Variants in C4orf51 observed in about 807,000 individuals in gnomAD.
The protein encoded by C4orf51 is chromosome 4 open reading frame 51, also known as uncharacterized protein C4orf51.
Under a neutral mutation model 25.2 loss-of-function variants are expected in C4orf51, and 25 were observed. That is an observed-to-expected ratio of 0.99 (90% CI 0.72 to 1.39). C4orf51 has a LOEUF of 1.39. Ranked by LOEUF, C4orf51 falls within the 40% of genes most tolerant of loss-of-function variation. The pLI is 0.00. For synonymous variants in C4orf51, 100 were observed against 84.5 expected (o/e 1.18, Z -1.01); for missense variants, 252 against 239.6 (o/e 1.05, Z -0.34).
chr4:145,692,953 G>GTTTTTTTT (rs202227019), intron 1 of C4orf51, among the ~76,000 whole-genome samples: 1,487 of 100,720 alleles, frequency 0.015, 188 homozygotes, highest in Non-Finnish European at 0.021. Context: ...TAAGTTTTTA[G>GTTTTTTTT]TTTTTTTTTT....
At chr4:145,690,462 C>T (rs1360505580) in intron 1 of C4orf51, among the ~76,000 whole-genome samples, 1 of 152,034 alleles carries the variant, frequency 6.6e-6, no homozygotes, top group Non-Finnish European at 1.5e-5. Flanking sequence ...CGAGATGGCG[C>T]CACTGCACTC....
chr4:145,704,820 A>G (rs1055450892), intron 2 of C4orf51, among the ~76,000 whole-genome samples: 1 of 152,230 alleles, frequency 6.6e-6, no homozygotes, highest in African/African-American at 2.4e-5. Flanking sequence ...CAAGTTTCAG[A>G]GCAGGAGTGA....
chr4:145,788,422 A>T, the C4orf51 span, among the ~76,000 whole-genome samples: 1 of 152,148 alleles, frequency 6.6e-6, no homozygotes, highest in African/African-American at 2.4e-5. Context: ...GCCAGAATCC[A>T]GGCCAATTGA....
intron 1 of C4orf51, among the ~76,000 whole-genome samples, chr4:145,693,085 T>G (rs896807871): frequency 9.0e-4 from 130 of 144,462 alleles, no homozygotes; most frequent in African/African-American, 3.2e-3. Context: ...CACAGAGGGG[T>G]ATTTGGCAGG....
rs889904770 is a variant in C4orf51 at position 145,761,846 on chromosome 4, C to T, written n.167-9142C>T. Among the ~76,000 whole-genome samples, 20 of 152,284 alleles carry T rather than the reference C, an allele frequency of 1.3e-4. No homozygotes were observed. Among genetic ancestry groups the T allele is most frequent in the African/African-American group, 4.1e-4 (17 of 41,558 alleles). Reference sequence around the variant, plus strand: ...CTCAGCCTATTCTGGGTCTCTTGGCCGATACAGGCAAGGCCAGCCCTCACC... The same window carrying T: ...CTCAGCCTATTCTGGGTCTCTTGGCTGATACAGGCAAGGCCAGCCCTCACC... On this transcript the variant is annotated intron_variant and non_coding_transcript_variant, in intron 1 of 1. Transcript: ENST00000510096. This position sits in a 1 kb window ranked among gnomAD's most constrained non-coding sequence, Gnocchi z 6.8.
At chr4:145,766,957 A>T (rs1310715173) in intron 1 of C4orf51, among the ~76,000 whole-genome samples, 1 of 152,206 alleles carries the variant, frequency 6.6e-6, no homozygotes, top group Non-Finnish European at 1.5e-5. Flanking sequence ...AGCTATCTGC[A>T]TCCTAAAACA....
downstream of C4orf51, chr4:145,775,878 G>A (rs1215400834): frequency 3.7e-6 from 6 of 1,614,046 alleles, no homozygotes; most frequent in African/African-American, 2.7e-5. Context: ...CCAGCTTCAC[G>A]GAATGGACGG....
chr4:145,760,858 G>C, intron 1 of C4orf51: 1 of 1,216,322 alleles, frequency 8.2e-7, no homozygotes, highest in Non-Finnish European at 1.0e-6. Flanking sequence ...GGGAGGCGCA[G>C]TCTGAGGTCG....
intron 1 of C4orf51, among the ~76,000 whole-genome samples, chr4:145,682,609 A>T (rs1361061430): frequency 6.6e-6 from 1 of 152,208 alleles, no homozygotes; most frequent in Non-Finnish European, 1.5e-5. Flanking sequence ...TATTTACCAC[A>T]TACATTGAAT....
At chr4:145,712,833 G>A (rs1731206704) in intron 2 of C4orf51, among the ~76,000 whole-genome samples, 1 of 152,208 alleles carries the variant, frequency 6.6e-6, no homozygotes, top group South Asian at 2.1e-4. Context: ...TCAAAGCTTG[G>A]CTTCAAAACT....
At chr4:145,730,095 C>G in intron 5 of C4orf51, 130 bp downstream of exon 5, 1 of 729,676 alleles carries the variant, frequency 1.4e-6, no homozygotes, top group Non-Finnish European at 2.4e-6. Context: ...AAAGTATTCC[C>G]TAAGTTACAA....
intron 1 of C4orf51, among the ~76,000 whole-genome samples, chr4:145,691,308 G>A (rs1343967992): frequency 6.6e-6 from 1 of 152,180 alleles, no homozygotes; most frequent in African/African-American, 2.4e-5. Flanking sequence ...TATTGATGAG[G>A]TTGAAGAGAA....
chr4:145,779,580 C>G, the C4orf51 span: 1 of 1,566,276 alleles, frequency 6.4e-7, no homozygotes, highest in Non-Finnish European at 8.7e-7. Flanking sequence ...AGTCAACATT[C>G]AGGATTTCAG....
the C4orf51 span, among the ~76,000 whole-genome samples, chr4:145,782,246 T>C: frequency 6.6e-6 from 1 of 152,196 alleles, no homozygotes; most frequent in Non-Finnish European, 1.5e-5. Context: ...TCCCAGAACA[T>C]GACCTCGAAA....
At chr4:145,770,344 AAAT>A (rs1185678538) in intron 1 of C4orf51, among the ~76,000 whole-genome samples, 130 of 57,462 alleles carry the variant, frequency 2.3e-3, no homozygotes, top group Non-Finnish European at 5.4e-3. Flanking sequence ...ATAAATAAAT[AAAT>A]AAAATAGATC....
chr4:145,730,117 G>A (rs950156466), intron 5 of C4orf51, among the ~76,000 whole-genome samples, 152 bp downstream of exon 5: 6 of 152,204 alleles, frequency 3.9e-5, no homozygotes, highest in Admixed American at 6.5e-5. Context: ...CAGGCAAAAA[G>A]CGGAGCTGTT....
At chr4:145,720,194 G>C (rs1473440981) in intron 2 of C4orf51, among the ~76,000 whole-genome samples, 1 of 152,096 alleles carries the variant, frequency 6.6e-6, no homozygotes, top group African/African-American at 2.4e-5. Context: ...ACTGGCCCTG[G>C]GAGGCGAACA....
chr4:145,768,630 A>G (rs1395763622), intron 1 of C4orf51, among the ~76,000 whole-genome samples: 1 of 151,448 alleles, frequency 6.6e-6, no homozygotes, highest in Non-Finnish European at 1.5e-5. Flanking sequence ...ACTGTTCTCC[A>G]ATTATCTTCA....
the C4orf51 span, among the ~76,000 whole-genome samples, chr4:145,788,207 T>C: frequency 6.6e-6 from 1 of 152,216 alleles, no homozygotes; most frequent in Non-Finnish European, 1.5e-5. Flanking sequence ...AAATACTTAC[T>C]GATTGATTTG....
Sources: gnomAD v4.1 joint callset for allele counts (sites outside exome capture counted in the v4.1 genomes callset) on GRCh38, gnomAD v4.1.1 for gene constraint, Gnocchi (gnomAD v3.1) non-coding constraint, MANE v1.5 for transcripts, NCBI Gene and HGNC (gene_info 2026-07-23, HGNC 2026-07-21) for gene names.